Variants in ZFP2 observed in about 807,000 individuals in gnomAD.
ZFP2 encodes ZFP2 zinc finger protein.
ZFP2 carries 33 observed loss-of-function variants against 36.1 expected under a neutral mutation model. The observed-to-expected ratio is 0.92, with a 90% CI of 0.69 to 1.22. The LOEUF (loss-of-function observed/expected upper bound fraction) is 1.22. Among genes scored for constraint, ZFP2 ranks in the 50% most tolerant of loss-of-function variants. The pLI is 0.00. For synonymous variants in ZFP2, 170 were observed against 178.0 expected (o/e 0.96, Z 0.36); for missense variants, 522 against 551.4 (o/e 0.95, Z 0.53).
rs773014277 is a variant in ZFP2, at chr5:178,932,658, C to T, written c.1345C>T (p.Arg449Trp). The T allele has an allele frequency of 8.7e-6, 14 of 1,612,244 alleles. No individual in the cohort carries two copies. The highest frequency in any genetic ancestry group is 4.5e-5 in the East Asian group (2 of 44,862). The part of the protein sequence containing the change: ...QCNECGKAFS[R>W]STNLTRHQRT... ...TAATGAATGCGGAAAAGCCTTCAGC[C>T]GGAGTACAAACCTTACACGACATCA... The change falls in exon 5 of 5, where the codon CGG (arginine) becomes TGG (tryptophan). Residue 449 changes from arginine (R) to tryptophan (W), a missense_variant. Transcript: ENST00000361362.
In ZFP2 at chr5:178,897,186, C is replaced by T. The variant is rs1023834193; in HGVS notation, c.-450+1212C>T. Among the ~76,000 whole-genome samples, 10 of 152,078 alleles carry T rather than the reference C, an allele frequency of 6.6e-5. No individual in the cohort carries two copies. In the East Asian group the frequency reaches 1.9e-3, roughly 29 times the overall value. On this transcript the variant is annotated intron_variant, in intron 1 of 4. Transcript: ENST00000361362. ...TTTGATACCTCCTGTCTTATTCCCT[C>T]CAGAAAAGTTGCAGTTTATATAAAC...
intron 4 of ZFP2, among the ~76,000 whole-genome samples, chr5:178,916,916 T>C (rs1185607458): frequency 1.3e-5 from 2 of 152,256 alleles, no homozygotes; most frequent in African/African-American, 2.4e-5. Context: ...GGCCTAATTT[T>C]CTTTTCAGCA....
chr5:178,929,700 ATCT>A (rs547607534), intron 4 of ZFP2, among the ~76,000 whole-genome samples: 179 of 152,108 alleles, frequency 1.2e-3, no homozygotes, highest in Middle Eastern at 3.4e-3. Context: ...TTATCTTCCT[ATCT>A]TCTTCTGGGT....
At position 178,926,966 on chromosome 5, in the gene ZFP2, A is replaced by G. The variant is rs1375611093; in HGVS notation, c.-77-4271A>G. On this transcript the variant is annotated intron_variant, in intron 4 of 4. Coordinates refer to ENST00000361362, the MANE Select transcript of ZFP2 (RefSeq NM_030613.4). ...AGGTTGGAAGAAAGAGGCCTGGTTA[A>G]TGCTTATTTCTTGCTTCACAGGAAA... Among the ~76,000 whole-genome samples the G allele has an allele frequency of 3.3e-5, 5 of 152,126 alleles. No homozygotes were observed. The East Asian group carries it at 9.6e-4, about 29-fold the overall frequency.
At chr5:178,927,755 C>T (rs959350775) in intron 4 of ZFP2, among the ~76,000 whole-genome samples, 2 of 150,978 alleles carry the variant, frequency 1.3e-5, no homozygotes, top group African/African-American at 2.4e-5. Flanking sequence ...AGGCTAGTCT[C>T]GAACTCCTGA....
At chr5:178,919,295 C>T (rs1279395507) in intron 4 of ZFP2, among the ~76,000 whole-genome samples, 1 of 152,148 alleles carries the variant, frequency 6.6e-6, no homozygotes, top group African/African-American at 2.4e-5. Flanking sequence ...TTCTTTATTT[C>T]CTGGATAAAT....
chr5:178,927,578 C>A (rs1415446990), intron 4 of ZFP2, among the ~76,000 whole-genome samples: 2 of 150,892 alleles, frequency 1.3e-5, no homozygotes, highest in Admixed American at 6.6e-5. Flanking sequence ...CTCACTGCAA[C>A]CTCCACCTCC....
At position 178,931,845 on chromosome 5, in the gene ZFP2, C is replaced by T. The variant is rs776162889; in HGVS notation, c.532C>T (p.Arg178Ter). Reference sequence around the variant, plus strand: ...GAGCATGAATCTTACTGTCCATCAACGAACTCACACCGGAGAGAAACCCTA... The same window carrying T: ...GAGCATGAATCTTACTGTCCATCAATGAACTCACACCGGAGAGAAACCCTA... ...SQSMNLTVHQ[R>*]THTGEKPYQC... Residue 178 changes from arginine (R) to a stop codon, truncating the protein, a stop_gained, in exon 5 of 5, where the codon CGA (arginine) becomes TGA (stop). Transcript: ENST00000361362. LOFTEE classifies it high-confidence loss of function. 1.7e-5 allele frequency: 28 copies of T among 1,612,114 alleles called. 1 individual carries two copies. Among genetic ancestry groups the T allele is most frequent in the South Asian group, 1.3e-4 (12 of 90,984 alleles).
intron 1 of ZFP2, among the ~76,000 whole-genome samples, chr5:178,905,090 A>G (rs929260273): frequency 5.3e-5 from 8 of 152,184 alleles, no homozygotes; most frequent in African/African-American, 1.9e-4. Flanking sequence ...TAATAGTCGA[A>G]TTTTATTATG....
At chr5:178,903,836 C>G (rs6863160) in intron 1 of ZFP2, among the ~76,000 whole-genome samples, 1 of 151,842 alleles carries the variant, frequency 6.6e-6, no homozygotes, top group Admixed American at 6.6e-5. Flanking sequence ...TACAAAAATA[C>G]AAAAATTAGC....
intron 4 of ZFP2, among the ~76,000 whole-genome samples, chr5:178,917,679 A>T (rs1412107702): frequency 6.6e-6 from 1 of 152,196 alleles, no homozygotes; most frequent in East Asian, 1.9e-4. Context: ...ATGTCTGTCC[A>T]TGTAAATATA....
chr5:178,898,696 C>T (rs1181546246), intron 1 of ZFP2, among the ~76,000 whole-genome samples: 2 of 152,208 alleles, frequency 1.3e-5, no homozygotes, highest in Admixed American at 1.3e-4. Flanking sequence ...TTTTCCCTCT[C>T]AAACCTCCCC....
intron 1 of ZFP2, among the ~76,000 whole-genome samples, chr5:178,896,587 A>G (rs1415390014): frequency 1.3e-5 from 2 of 152,218 alleles, no homozygotes; most frequent in East Asian, 1.9e-4. Flanking sequence ...AACCTGGTGC[A>G]GGTTTCGACC....
intron 1 of ZFP2, among the ~76,000 whole-genome samples, chr5:178,901,899 C>T (rs1302856767): frequency 6.6e-6 from 1 of 152,018 alleles, no homozygotes; most frequent in Admixed American, 6.6e-5. Flanking sequence ...TTTGGGAGGC[C>T]ACGGCAGGTG....
At chr5:178,918,186 T>A (rs528842155) in intron 4 of ZFP2, among the ~76,000 whole-genome samples, 1 of 152,350 alleles carries the variant, frequency 6.6e-6, no homozygotes, top group East Asian at 1.9e-4. Context: ...TGTTTATTGC[T>A]ATATCCTGAG....
At chr5:178,922,432 T>C (rs1253425569) in intron 4 of ZFP2, 1 of 1,363,752 alleles carries the variant, frequency 7.3e-7, no homozygotes, top group Non-Finnish European at 1.0e-6. Flanking sequence ...CTACTTTTAC[T>C]ATTGTGCCTT....
At chr5:178,902,089 C>G (rs1758069374) in intron 1 of ZFP2, among the ~76,000 whole-genome samples, 1 of 152,156 alleles carries the variant, frequency 6.6e-6, no homozygotes. Context: ...GACGTGAGAT[C>G]ACTCCACTGC....
chr5:178,925,420 T>C (rs1316945135), intron 4 of ZFP2, among the ~76,000 whole-genome samples: 1 of 149,330 alleles, frequency 6.7e-6, no homozygotes, highest in Non-Finnish European at 1.5e-5. Context: ...TGCATGCACC[T>C]AGTGGTAGAC....
intron 1 of ZFP2, among the ~76,000 whole-genome samples, chr5:178,899,207 CA>C (rs1197736692): frequency 1.3e-5 from 2 of 152,094 alleles, no homozygotes; most frequent in Non-Finnish European, 2.9e-5. Context: ...ATTGTCTTGG[CA>C]AGAGGCTTGG....
Sources: allele counts gnomAD v4.1 joint callset (sites outside exome capture counted in the v4.1 genomes callset), GRCh38; gene constraint gnomAD v4.1.1; transcripts MANE v1.5; gene names NCBI Gene and HGNC (gene_info 2026-07-23, HGNC 2026-07-21).